The following FERMT1 variants were observed in gnomAD, a reference collection of about 807,000 sequenced individuals.
FERMT1 encodes the protein FERM domain containing kindlin 1, also known as fermitin family homolog 1.
In FERMT1, 60 loss-of-function variants were observed where a neutral mutation model predicts 85.3. The ratio of observed to expected loss-of-function variants is 0.70; its 90% CI spans 0.57 to 0.87. The LOEUF (loss-of-function observed/expected upper bound fraction) is 0.87. Among genes scored for constraint, FERMT1 ranks in the 40% least tolerant of loss-of-function variants. The probability of loss-of-function intolerance (pLI) is 0.00; values close to 1 mark genes in which losing one functional copy is unlikely to be tolerated. For synonymous variants in FERMT1, 275 were observed against 301.1 expected (o/e 0.91, Z 0.90); for missense variants, 701 against 818.9 (o/e 0.86, Z 1.76).
intron 13 of FERMT1, among the ~76,000 whole-genome samples, chr20:6,082,699 A>G (rs1286694944): frequency 6.6e-6 from 1 of 152,220 alleles, no homozygotes; most frequent in Non-Finnish European, 1.5e-5. Flanking sequence ...TGTGTCGCCT[A>G]GGCTGGAGGG....
At chr20:6,100,695 CT>C (rs1017536482) in intron 6 of FERMT1, among the ~76,000 whole-genome samples, 13 of 152,132 alleles carry the variant, frequency 8.5e-5, no homozygotes, top group African/African-American at 2.7e-4. Flanking sequence ...TTTCTGTAAT[CT>C]TTAAATGGGG....
chr20:6,076,539 A>G lies in FERMT1; in HGVS notation c.*634T>C, dbSNP rs888548988. 2.0e-6 allele frequency: 1 copy of G among 488,508 alleles called. No individual in the cohort carries two copies. The highest frequency in any genetic ancestry group is 4.1e-6 in the Non-Finnish European group (1 of 244,690). 30.3% of individuals were successfully genotyped at this position (488,508 alleles called of 1,614,324 possible). A position where few individuals can be genotyped will look rare whatever the true frequency, so the allele number is the denominator to read the frequency against. On this transcript the variant is annotated 3_prime_UTR_variant, in exon 15 of 15. Coordinates refer to ENST00000217289, the MANE Select transcript of FERMT1 (RefSeq NM_017671.5). ...TAAGACCAGATGTGGGTCAGTGGTC[A>G]TCTTGGCAGGTATCACTGTGGACAG...
At position 6,077,178 on chromosome 20, in the gene FERMT1, C is replaced by T. The variant is rs1257287311; in HGVS notation, c.2029G>A (p.Asp677Asn). ...DLFHKLTGGQ[D>N] ...GCCGAGCACGCGTGCTTGTTTCAAT[C>T]CTGACCGCCGGTCAATTTGTGGAAC... Residue 677 changes from aspartate (D) to asparagine (N), a missense_variant, in exon 15 of 15, where the codon GAT (aspartate) becomes AAT (asparagine). Asp to Asn is a conservative substitution (Grantham distance 23). Transcript: ENST00000217289. 6.2e-7 allele frequency: 1 copy of T among 1,613,858 alleles called. No homozygotes were observed. The highest frequency in any genetic ancestry group is 8.5e-7 in the Non-Finnish European group (1 of 1,180,032).
At chr20:6,121,414 C>A (rs1018607717) in intron 1 of FERMT1, among the ~76,000 whole-genome samples, 2 of 152,206 alleles carry the variant, frequency 1.3e-5, no homozygotes, top group Non-Finnish European at 2.9e-5. Context: ...GCCACCACGC[C>A]CAGCCGTTCC....
chr20:6,113,840 C>T (rs1983028362), intron 3 of FERMT1, among the ~76,000 whole-genome samples: 1 of 152,186 alleles, frequency 6.6e-6, no homozygotes, highest in Non-Finnish European at 1.5e-5. Flanking sequence ...CTGGCATCAC[C>T]TCCCAAATAA....
intron 2 of FERMT1, among the ~76,000 whole-genome samples, 158 bp from the exon 3 acceptor site, chr20:6,116,202 G>A (rs1256326445): frequency 1.3e-5 from 2 of 152,004 alleles, no homozygotes; most frequent in Non-Finnish European, 2.9e-5. Flanking sequence ...ACAACTTTTG[G>A]CTTCTTTCCA....
chr20:6,119,283 G>A, intron 2 of FERMT1, 121 bp downstream of exon 2: 1 of 1,005,858 alleles, frequency 9.9e-7, no homozygotes, highest in Non-Finnish European at 1.5e-6. Flanking sequence ...GATGAGGGGT[G>A]GGGGATTGCT....
At chr20:6,114,012 A>G (rs1343828474) in intron 3 of FERMT1, among the ~76,000 whole-genome samples, 2 of 152,308 alleles carry the variant, frequency 1.3e-5, no homozygotes, top group Admixed American at 1.3e-4. Context: ...AAAACCAATT[A>G]ATTTGGACTT....
Position 6,099,274 on chromosome 20 carries a change from G to A in FERMT1, c.850-1643C>T, listed in dbSNP as rs1292034201. Among the ~76,000 whole-genome samples the A allele has an allele frequency of 3.9e-5, 6 of 151,918 alleles. No homozygotes were observed. In the South Asian group the frequency reaches 6.2e-4, roughly 16 times the overall value. ...AAAAATTAGCCAGGCATGGTGGCAG[G>A]TGCATGTAATCCCAGCTACTTGGGG... On this transcript the variant is annotated intron_variant, in intron 6 of 14. Coordinates refer to ENST00000217289, the MANE Select transcript of FERMT1 (RefSeq NM_017671.5).
chr20:6,079,851 T>A (rs558374094), intron 13 of FERMT1, among the ~76,000 whole-genome samples: 1 of 152,340 alleles, frequency 6.6e-6, no homozygotes, highest in Admixed American at 6.5e-5. Context: ...TCAAAATGAT[T>A]ACTGACTCTG....
chr20:6,080,909 T>G (rs1159279265), intron 13 of FERMT1, among the ~76,000 whole-genome samples: 1 of 152,180 alleles, frequency 6.6e-6, no homozygotes, highest in Non-Finnish European at 1.5e-5. Context: ...GATATATATT[T>G]CAGAGTAATT....
intron 9 of FERMT1, 26 bp from the exon 10 acceptor site, chr20:6,089,115 T>G (rs376957545): frequency 4.0e-5 from 65 of 1,606,590 alleles, no homozygotes; most frequent in Non-Finnish European, 5.4e-5. Flanking sequence ...TAGTGAATGT[T>G]TAAACCACCA....
chr20:6,091,299 G>A (rs1386083862), intron 9 of FERMT1, among the ~76,000 whole-genome samples: 1 of 151,752 alleles, frequency 6.6e-6, no homozygotes, highest in Non-Finnish European at 1.5e-5. Context: ...GCGCAATCTT[G>A]TCTCACTGCA....
At chr20:6,092,409 G>A (rs1023240535) in intron 9 of FERMT1, among the ~76,000 whole-genome samples, 3 of 152,110 alleles carry the variant, frequency 2.0e-5, no homozygotes, top group Non-Finnish European at 4.4e-5. Flanking sequence ...CAGGCATGGT[G>A]GCACATGCCT....
chr20:6,100,788 A>G (rs1478126686), intron 6 of FERMT1, among the ~76,000 whole-genome samples: 2 of 152,240 alleles, frequency 1.3e-5, no homozygotes, highest in Non-Finnish European at 2.9e-5. Flanking sequence ...AACATTTTTA[A>G]TGGTAAAAAA....
chr20:6,110,408 C>T lies in FERMT1; in HGVS notation c.636G>A (p.Thr212=), dbSNP rs773713545. Reference sequence around the variant, plus strand: ...ATGCGAGGATGCTGCAGTTTTGTTCCGTCAAAGGGCTGTCACTGAACCAAG... The same window carrying T: ...ATGCGAGGATGCTGCAGTTTTGTTCTGTCAAAGGGCTGTCACTGAACCAAG... ...TMTWFSDSPL[T]EQNCSILAFS... The change falls in exon 5 of 15, where the codon ACG becomes ACA. Residue 212 remains threonine (T), a synonymous_variant. Coordinates refer to ENST00000217289, the MANE Select transcript of FERMT1 (RefSeq NM_017671.5). 19 of 1,613,846 alleles carry T rather than the reference C, an allele frequency of 1.2e-5. No homozygotes were observed. Among genetic ancestry groups the T allele is most frequent in the South Asian group, 3.3e-5 (3 of 91,058 alleles).
chr20:6,090,289 G>T (rs986415148), intron 9 of FERMT1, among the ~76,000 whole-genome samples: 1 of 151,974 alleles, frequency 6.6e-6, no homozygotes, highest in African/African-American at 2.4e-5. Flanking sequence ...TGGCCAGGAT[G>T]GTCTCGATCT....
In FERMT1 at chr20:6,076,750, T is replaced by C. The variant is rs976405045; in HGVS notation, c.*423A>G. 12 of 325,980 alleles carry C rather than the reference T, an allele frequency of 3.7e-5. No individual in the cohort carries two copies. The Admixed American group carries it at 5.0e-4, about 14-fold the overall frequency. The allele number at this position is 325,980 out of a possible 1,614,324, so 20.2% of individuals were successfully genotyped here. A position where few individuals can be genotyped will look rare whatever the true frequency, so the allele number is the denominator to read the frequency against. On this transcript the variant is annotated 3_prime_UTR_variant, in exon 15 of 15. Coordinates refer to ENST00000217289, the MANE Select transcript of FERMT1 (RefSeq NM_017671.5). ...AAGGACAGGCGTTTCGTTTCATACC[T>C]GAGTTTGTGAAATAAGAGTTGTTCT...
At chr20:6,114,556 C>T (rs566235832) in intron 3 of FERMT1, among the ~76,000 whole-genome samples, 1 of 152,326 alleles carries the variant, frequency 6.6e-6, no homozygotes, top group South Asian at 2.1e-4. Context: ...ACTTTGCTTT[C>T]AAATCCTCAT....
Sources: allele counts gnomAD v4.1 joint callset (sites outside exome capture counted in the v4.1 genomes callset), GRCh38; gene constraint gnomAD v4.1.1; transcripts MANE v1.5; gene names NCBI Gene and HGNC (gene_info 2026-07-23, HGNC 2026-07-21).